The following HLCS variants were observed in gnomAD, a reference collection of about 807,000 sequenced individuals.
HLCS encodes the protein holocarboxylase synthetase.
A neutral mutation model predicts 75.0 loss-of-function variants in HLCS; 53 were observed. The observed-to-expected ratio is 0.71, with a 90% CI of 0.57 to 0.89. The LOEUF is 0.89. Ranked by LOEUF, HLCS falls within the 40% of genes least tolerant of loss-of-function variation. HLCS has a pLI of 0.00. For missense variants in HLCS, 966 were observed against 1,074.0 expected, an observed-to-expected ratio of 0.90 and a Z score of 1.41; for synonymous variants, 431 against 428.6, an observed-to-expected ratio of 1.01 and a Z score of -0.07.
intron 2 of HLCS, among the ~76,000 whole-genome samples, chr21:36,948,728 C>CAACA (rs2067529277): frequency 3.6e-5 from 2 of 55,868 alleles, no homozygotes; most frequent in African/African-American, 1.7e-4. Flanking sequence ...GACCCTGTCT[C>CAACA]AAAAAAAAAA....
At chr21:36,876,313 G>A (rs2063975121) in intron 6 of HLCS, among the ~76,000 whole-genome samples, 2 of 152,170 alleles carry the variant, frequency 1.3e-5, no homozygotes, top group Admixed American at 1.3e-4. Context: ...TAAGGATCCT[G>A]TGACATTTTC....
intron 6 of HLCS, among the ~76,000 whole-genome samples, chr21:36,883,362 T>C (rs117589620): frequency 6.6e-6 from 1 of 152,238 alleles, no homozygotes; most frequent in East Asian, 1.9e-4. Flanking sequence ...GGAGGAAAAA[T>C]ACCTGCTGGG....
rs1647526775 is a variant in HLCS, at chr21:36,966,421, GCCCGCCCGCCCGA to G, written c.195+10_195+22del. 4 of 473,648 alleles carry G rather than the reference GCCCGCCCGCCCGA, an allele frequency of 8.4e-6. No individual in the cohort carries two copies. The highest frequency in any genetic ancestry group is 2.1e-5 in the African/African-American group (1 of 47,636). 29.3% of individuals were successfully genotyped at this position (473,648 alleles called of 1,614,324 possible). ...ACTTCCGGCTCGCGGGGCCCGGGTC[GCCCGCCCGCCCGA>G]CCCGCCCACCTGGCTGTCGCTGACG... On this transcript the variant is annotated intron_variant, in intron 1 of 10. Transcript: ENST00000674895.
chr21:36,890,275 G>A (rs776247655), intron 6 of HLCS, among the ~76,000 whole-genome samples: 1 of 152,176 alleles, frequency 6.6e-6, no homozygotes, highest in Non-Finnish European at 1.5e-5. Context: ...CATCCAGAAG[G>A]TGTTACCCTG....
chr21:36,779,761 AGGT>A (rs2060472438), intron 6 of HLCS, among the ~76,000 whole-genome samples: 1 of 151,760 alleles, frequency 6.6e-6, no homozygotes, highest in African/African-American at 2.4e-5. Context: ...GTCTGAAATC[AGGT>A]TAGGTTTAAC....
At chr21:36,794,373 A>C (rs568582333) in intron 6 of HLCS, among the ~76,000 whole-genome samples, 1 of 152,260 alleles carries the variant, frequency 6.6e-6, no homozygotes, top group Non-Finnish European at 1.5e-5. Context: ...AGGCTGCTGC[A>C]ATAAGGCATT....
intron 7 of HLCS, among the ~76,000 whole-genome samples, chr21:36,766,283 A>G (rs1370861773): frequency 1.3e-5 from 2 of 152,034 alleles, no homozygotes; most frequent in African/African-American, 4.8e-5. Flanking sequence ...TTGGCCTCTC[A>G]AAGTGGTGGG....
chr21:36,782,878 C>T (rs765570456), intron 6 of HLCS, among the ~76,000 whole-genome samples: 14 of 151,866 alleles, frequency 9.2e-5, no homozygotes, highest in African/African-American at 2.4e-4. Context: ...TAGATACTCA[C>T]GAGGCTGAGG....
chr21:36,770,539 T>A (rs889800374), intron 6 of HLCS, among the ~76,000 whole-genome samples: 1 of 152,150 alleles, frequency 6.6e-6, no homozygotes, highest in Admixed American at 6.5e-5. Context: ...ATATTAAGAT[T>A]TTTTTTCTTT....
In HLCS at chr21:36,756,254, C is replaced by A. The variant is rs556965051; in HGVS notation, c.2450+288G>T. Reference sequence around the variant, plus strand: ...GAGATCGAGACCATCCTGGCTAACACGGTGAAACCCCACCTCCACTAAAAA... The same window carrying A: ...GAGATCGAGACCATCCTGGCTAACAAGGTGAAACCCCACCTCCACTAAAAA... On this transcript the variant is annotated intron_variant, in intron 10 of 10. Coordinates refer to ENST00000674895, the MANE Select transcript of HLCS (RefSeq NM_001352514.2). Among the ~76,000 whole-genome samples the A allele has an allele frequency of 5.1e-4, 69 of 135,388 alleles. 1 individual carries two copies. In the South Asian group the frequency reaches 5.4e-3, roughly 11 times the overall value. 88.8% of individuals were successfully genotyped at this position (135,388 alleles called of 152,430 possible).
rs767612190 is a variant in HLCS, at chr21:36,893,773, C to T, written c.1892+3087G>A. Among the ~76,000 whole-genome samples, 88 of 152,322 alleles carry T rather than the reference C, an allele frequency of 5.8e-4. 1 individual carries two copies. Among genetic ancestry groups the T allele is most frequent in the South Asian group, 2.1e-4 (1 of 4,828 alleles). Reference sequence around the variant, plus strand: ...TTGCACCACTCACCTACTGCTGCGCCGCCCCGTTCCTAACAGGCTGCAGAC... The same window carrying T: ...TTGCACCACTCACCTACTGCTGCGCTGCCCCGTTCCTAACAGGCTGCAGAC... On this transcript the variant is annotated intron_variant, in intron 6 of 10. Coordinates refer to ENST00000674895, the MANE Select transcript of HLCS (RefSeq NM_001352514.2).
chr21:36,923,705 C>T (rs1180559616), intron 5 of HLCS, among the ~76,000 whole-genome samples: 2 of 152,160 alleles, frequency 1.3e-5, no homozygotes, highest in Non-Finnish European at 2.9e-5. Flanking sequence ...GCTGAAAAGC[C>T]TTCTTCCCAC....
chr21:36,983,881 G>A (rs1406349946), intron 1 of HLCS, among the ~76,000 whole-genome samples: 7 of 151,780 alleles, frequency 4.6e-5, no homozygotes, highest in Admixed American at 4.6e-4. Context: ...TATATCACAG[G>A]CTGGAGTGCA....
intron 2 of HLCS, among the ~76,000 whole-genome samples, chr21:36,960,147 A>G (rs1188002451): frequency 2.0e-5 from 1 of 49,312 alleles, no homozygotes; most frequent in African/African-American, 8.2e-5. Flanking sequence ...CCCCCCCCCG[A>G]CCCTGCACTT....
chr21:36,883,522 G>C (rs778826189), intron 6 of HLCS, among the ~76,000 whole-genome samples: 2 of 152,338 alleles, frequency 1.3e-5, no homozygotes, highest in Non-Finnish European at 2.9e-5. Context: ...ATCTAAAAAA[G>C]TTTCTACTTA....
intron 6 of HLCS, among the ~76,000 whole-genome samples, chr21:36,859,269 G>A (rs993668199): frequency 6.6e-6 from 1 of 151,994 alleles, no homozygotes; most frequent in Non-Finnish European, 1.5e-5. Context: ...GATCTGCCCC[G>A]CTTGGCCTCC....
intron 6 of HLCS, among the ~76,000 whole-genome samples, chr21:36,785,848 A>G (rs2060671160): frequency 6.6e-6 from 1 of 152,160 alleles, no homozygotes; most frequent in African/African-American, 2.4e-5. Context: ...CCTCCCACCT[A>G]TGAGTCTTTG....
intron 6 of HLCS, among the ~76,000 whole-genome samples, chr21:36,878,267 A>G (rs2064064526): frequency 6.6e-6 from 1 of 152,034 alleles, no homozygotes; most frequent in South Asian, 2.1e-4. Flanking sequence ...TCTTCTTCAG[A>G]TTAGATAATT....
At chr21:36,894,847 T>G (rs1330230378) in intron 6 of HLCS, among the ~76,000 whole-genome samples, 1 of 45,966 alleles carries the variant, frequency 2.2e-5, no homozygotes, top group Non-Finnish European at 3.7e-5. Context: ...AAGGCAGAGG[T>G]TTTTTTTTTT....
Sources: allele counts gnomAD v4.1 joint callset (sites outside exome capture counted in the v4.1 genomes callset), GRCh38; gene constraint gnomAD v4.1.1; transcripts MANE v1.5; gene names NCBI Gene and HGNC (gene_info 2026-07-23, HGNC 2026-07-21).